Variants in CFAP54 observed in about 807,000 individuals in gnomAD.
CFAP54 encodes the protein cilia and flagella associated protein 54.
CFAP54 carries 290 observed loss-of-function variants against 370.4 expected under a neutral mutation model. The ratio of observed to expected loss-of-function variants is 0.78; its 90% confidence interval spans 0.71 to 0.86. The LOEUF is 0.86. Among genes scored for constraint, CFAP54 ranks in the 40% least tolerant of loss-of-function variants. The pLI, the probability that CFAP54 is intolerant of heterozygous loss-of-function variation, is 0.00. For synonymous variants in CFAP54, 1,206 were observed against 1,236.5 expected, an observed-to-expected ratio of 0.98 and a Z score of 0.52; for missense variants, 3,399 against 3,528.7, an observed-to-expected ratio of 0.96 and a Z score of 0.93.
Position 96,598,707 on chromosome 12 carries a change from T to C in CFAP54, c.3579T>C (p.His1193=), listed in dbSNP as rs1185208277. 2.9e-6 allele frequency: 2 copies of C among 683,948 alleles called. No homozygotes were observed. The highest frequency in any genetic ancestry group is 2.0e-5 in the Admixed American group (1 of 48,836). 42.4% of individuals were successfully genotyped at this position (683,948 alleles called of 1,614,324 possible). The change falls in exon 26 of 68, where the codon CAT becomes CAC. Residue 1193 remains histidine (H), a synonymous_variant. Transcript: ENST00000524981. ...GLPSIVCSKK[H]TASFESIQHM... is the part of the protein sequence containing the mutation. ...CAAGTATTGTCTGCTCGAAGAAACA[T>C]ACTGCGAGCTTTGAAAGTATACAAC...
chr12:96,552,651 T>C (rs1444245506), intron 15 of CFAP54, among the ~76,000 whole-genome samples: 1 of 152,088 alleles, frequency 6.6e-6, no homozygotes, highest in Non-Finnish European at 1.5e-5. Flanking sequence ...GCCTTAGTAA[T>C]AGTAATCTAA....
chr12:96,770,874 A>G (rs537698902), intron 60 of CFAP54, among the ~76,000 whole-genome samples: 59 of 152,346 alleles, frequency 3.9e-4, no homozygotes, highest in Admixed American at 3.2e-3. Context: ...TCTGCTGTTA[A>G]GCTTTATGTT....
In CFAP54 at chr12:96,810,071, T is replaced by TC. The variant is rs1277444308; in HGVS notation, c.8851-1664dup. ...GAGAGGAGGCAAGGGAAAGGAGGAG[T>TC]CTCCAGGTTGTACCCACCCAGATGA... is the stretch of plus-strand genomic sequence containing the variant. On this transcript the variant is annotated intron_variant, in intron 63 of 67. Transcript: ENST00000524981. Among the ~76,000 whole-genome samples, 10 of 151,268 alleles carry TC rather than the reference T, an allele frequency of 6.6e-5. No homozygotes were observed. The East Asian group carries it at 1.6e-3, about 24-fold the overall frequency.
chr12:96,840,616 CTGTT>C (rs72214158), intron 66 of CFAP54, among the ~76,000 whole-genome samples: 8,427 of 93,256 alleles, frequency 0.09, 375 homozygotes, highest in Non-Finnish European at 0.12. Context: ...TTTCTTTTCT[CTGTT>C]TCTTTCTTTT....
At chr12:96,752,197 T>C (rs1373292129) in intron 55 of CFAP54, among the ~76,000 whole-genome samples, 4 of 148,588 alleles carry the variant, frequency 2.7e-5, no homozygotes, top group Non-Finnish European at 4.5e-5. Context: ...TTACAAAAAG[T>C]TCTAGATTTA....
Position 96,711,767 on chromosome 12 carries a change from T to G in CFAP54, c.6724+2964T>G, listed in dbSNP as rs1450193159. Reference sequence around the variant, plus strand: ...CTAATTTAATGGTAAAGTGGGTTCATAGAGCTCTTCACATTGGGATGCCAG... The same window carrying G: ...CTAATTTAATGGTAAAGTGGGTTCAGAGAGCTCTTCACATTGGGATGCCAG... On this transcript the variant is annotated intron_variant, in intron 48 of 67. Coordinates refer to ENST00000524981, the MANE Select transcript of CFAP54 (RefSeq NM_001306084.2). Among the ~76,000 whole-genome samples the G allele has an allele frequency of 5.3e-5, 8 of 152,372 alleles. No individual in the cohort carries two copies. In the East Asian group the frequency reaches 1.3e-3, roughly 26 times the overall value.
chr12:96,619,321 C>A (rs1956459614), intron 26 of CFAP54, among the ~76,000 whole-genome samples: 1 of 152,200 alleles, frequency 6.6e-6, no homozygotes, highest in African/African-American at 2.4e-5. Context: ...CCCTGAATCC[C>A]AGATTTCAGG....
intron 63 of CFAP54, among the ~76,000 whole-genome samples, chr12:96,805,041 T>C (rs943330524): frequency 6.6e-6 from 1 of 152,056 alleles, no homozygotes; most frequent in African/African-American, 2.4e-5. Flanking sequence ...TGGATAGCCA[T>C]TTGCAGAAGA....
intron 1 of CFAP54, among the ~76,000 whole-genome samples, chr12:96,500,071 G>A (rs1444055273): frequency 3.3e-5 from 5 of 152,206 alleles, no homozygotes; most frequent in Non-Finnish European, 5.9e-5. Context: ...CAGCATGTGC[G>A]TGGATAAATA....
At chr12:96,811,066 T>C (rs1958923916) in intron 63 of CFAP54, among the ~76,000 whole-genome samples, 2 of 152,204 alleles carry the variant, frequency 1.3e-5, no homozygotes, top group African/African-American at 4.8e-5. Context: ...GCCTAATTAC[T>C]CGGTTTTGAT....
chr12:96,498,625 C>T (rs972122914), intron 1 of CFAP54, among the ~76,000 whole-genome samples: 10 of 152,140 alleles, frequency 6.6e-5, no homozygotes, highest in African/African-American at 2.4e-4. Flanking sequence ...TGCACTCAAG[C>T]CTGGTGACAG....
intron 27 of CFAP54, among the ~76,000 whole-genome samples, 156 bp downstream of exon 27, chr12:96,621,877 T>G (rs960788931): frequency 3.2e-5 from 1 of 31,630 alleles, no homozygotes; most frequent in East Asian, 4.4e-4. Flanking sequence ...TTGGGTTTGT[T>G]TTTTTTTTTT....
chr12:96,699,856 C>T (rs1283892975), intron 45 of CFAP54, 115 bp from the exon 46 acceptor site: 2 of 827,224 alleles, frequency 2.4e-6, no homozygotes, highest in African/African-American at 1.7e-5. Flanking sequence ...AATGCATTAC[C>T]AACATTAAGC....
At chr12:96,763,539 A>T (rs1489535639) in intron 58 of CFAP54, among the ~76,000 whole-genome samples, 1 of 151,976 alleles carries the variant, frequency 6.6e-6, no homozygotes, top group Non-Finnish European at 1.5e-5. Context: ...AGCACTTTGG[A>T]AGGTTGAGGT....
At chr12:96,572,252 A>G (rs1955927806) in intron 19 of CFAP54, among the ~76,000 whole-genome samples, 1 of 152,172 alleles carries the variant, frequency 6.6e-6, no homozygotes, top group Non-Finnish European at 1.5e-5. Context: ...AATACCTGCT[A>G]AAATAAAGAT....
chr12:96,603,083 A>C (rs766415975), intron 26 of CFAP54, among the ~76,000 whole-genome samples: 10 of 152,152 alleles, frequency 6.6e-5, no homozygotes, highest in Non-Finnish European at 1.3e-4. Context: ...ATGTTTTTGC[A>C]GTGGCTGGTA....
rs960867033 is a variant in CFAP54, at chr12:96,863,904, A to G, written c.*14+2952A>G. ...ATACTGTCTAAAACTGCACCAGACC[A>G]TACAGTAACAGTTTCCCCGTTTTAA... On this transcript the variant is annotated intron_variant, in intron 67 of 67. Transcript: ENST00000524981. Among the ~76,000 whole-genome samples the G allele has an allele frequency of 2.0e-5, 3 of 152,070 alleles. No individual in the cohort carries two copies. The East Asian group carries it at 5.8e-4, about 29-fold the overall frequency.
Position 96,594,331 on chromosome 12 carries a change from T to G in CFAP54, c.3401T>G (p.Leu1134Trp). 1 of 1,534,932 alleles carries G rather than the reference T, an allele frequency of 6.5e-7. No homozygotes were observed. The highest frequency in any genetic ancestry group is 2.0e-5 in the Admixed American group (1 of 50,982). ...LIECERVLVA[L>W]ELSNFLNDSS... ...GAATGTGAGAGAGTATTAGTGGCAT[T>G]GGAACTTAGCAACTTCCTAAATGAT... The change falls in exon 25 of 68, where the codon TTG (leucine) becomes TGG (tryptophan). Residue 1134 changes from leucine to tryptophan, a missense_variant. Leu to Trp is a moderately conservative substitution (Grantham distance 61, BLOSUM62 -2). Transcript: ENST00000524981.
chr12:96,857,168 C>A (rs1294308476), intron 66 of CFAP54, among the ~76,000 whole-genome samples: 1 of 152,170 alleles, frequency 6.6e-6, no homozygotes, highest in African/African-American at 2.4e-5. Flanking sequence ...CCCACCGGGT[C>A]CCTCCCGTGA....
Sources: allele counts gnomAD v4.1 joint callset (sites outside exome capture counted in the v4.1 genomes callset), GRCh38; gene constraint gnomAD v4.1.1; transcripts MANE v1.5; gene names NCBI Gene and HGNC (gene_info 2026-07-23, HGNC 2026-07-21).